Variants in TRIM66 observed in about 807,000 individuals in gnomAD.
TRIM66 encodes tripartite motif containing 66.
Under a neutral mutation model 148.2 loss-of-function variants are expected in TRIM66, and 99 were observed. The ratio of observed to expected loss-of-function variants is 0.67; its 90% CI spans 0.57 to 0.79. TRIM66 has a LOEUF of 0.79. Among genes scored for constraint, TRIM66 ranks in the 30% least tolerant of loss-of-function variants. TRIM66 has a pLI of 0.00. For synonymous variants in TRIM66, 616 were observed against 635.9 expected, an observed-to-expected ratio of 0.97 and a Z score of 0.47; for missense variants, 1,666 against 1,697.9, an observed-to-expected ratio of 0.98 and a Z score of 0.33.
intron 6 of TRIM66, among the ~76,000 whole-genome samples, chr11:8,653,128 C>T (rs1281413244): frequency 2.0e-5 from 3 of 152,160 alleles, no homozygotes; most frequent in Non-Finnish European, 4.4e-5. Context: ...TCTCTGGTGA[C>T]GAAAGTTAGT....
At chr11:8,682,913 G>C (rs567225812), upstream of TRIM66, 54 of 1,457,334 alleles carry the variant, frequency 3.7e-5, no homozygotes, top group South Asian at 6.7e-4. Context: ...CCATGGTCGG[G>C]GCTTCCAGGC....
At chr11:8,627,955 A>T (rs189379252) in intron 15 of TRIM66, among the ~76,000 whole-genome samples, 89 of 152,268 alleles carry the variant, frequency 5.8e-4, no homozygotes, top group African/African-American at 2.1e-3. Context: ...CAGCCGCCAG[A>T]GTAGCTGGGA....
At chr11:8,636,185 T>G (rs1204865138) in intron 15 of TRIM66, among the ~76,000 whole-genome samples, 2 of 151,642 alleles carry the variant, frequency 1.3e-5, no homozygotes, top group African/African-American at 4.8e-5. Context: ...GCAACTCAGC[T>G]CAAATGGACA....
intron 15 of TRIM66, among the ~76,000 whole-genome samples, 168 bp downstream of exon 15, chr11:8,638,486 A>G (rs557477619): frequency 6.6e-6 from 1 of 152,260 alleles, no homozygotes; most frequent in East Asian, 1.9e-4. Flanking sequence ...GAGGAGGAAG[A>G]TCTAGGTTGC....
In TRIM66 at chr11:8,624,795, G is replaced by T; in HGVS notation, c.2744C>A (p.Ser915Tyr). Residue 915 changes from serine to tyrosine, a missense_variant, in exon 16 of 25, where the codon TCC becomes TAC. Physicochemically the swap from Ser to Tyr is moderately radical, Grantham distance 144 (BLOSUM62 -2). Coordinates refer to ENST00000646038, the MANE Select transcript of TRIM66 (RefSeq NM_001388022.1). ...TGAAGTTCGGCCAGAACTGGAGCTG[G>T]ACCCAGTTTCTGGCTGCATGTCAGA... The part of the protein sequence containing the change: ...PVSDMQPETG[S>Y]SSSSGRTSGS... 6.4e-7 allele frequency: 1 copy of T among 1,551,516 alleles called. No homozygotes were observed. The highest frequency in any genetic ancestry group is 1.2e-5 in the South Asian group (1 of 84,004).
chr11:8,632,213 CAGG>C (rs1484057223), intron 15 of TRIM66, among the ~76,000 whole-genome samples: 1 of 151,750 alleles, frequency 6.6e-6, no homozygotes, highest in African/African-American at 2.4e-5. Context: ...GAGGCTGAGG[CAGG>C]AGAATTGCTT....
At chr11:8,621,549 C>T in intron 19 of TRIM66, 96 bp downstream of exon 19, 9 of 1,425,388 alleles carry the variant, frequency 6.3e-6, no homozygotes, top group Non-Finnish European at 8.3e-6. Flanking sequence ...ATCAGAGACT[C>T]AGGAAAGGTC....
chr11:8,616,480 T>C lies in TRIM66; in HGVS notation c.*1464A>G, dbSNP rs1276769602. ...CAGTCCTGGCCACTGACATGTCAGGTTCATAGCTCCCCCAACAATATGAGC... is the reference window on the plus strand; with the variant it reads ...CAGTCCTGGCCACTGACATGTCAGGCTCATAGCTCCCCCAACAATATGAGC... On this transcript the variant is annotated 3_prime_UTR_variant, in exon 25 of 25. Transcript: ENST00000646038. The C allele has an allele frequency of 1.3e-5, 2 of 152,128 alleles. No individual in the cohort carries two copies. The highest frequency in any genetic ancestry group is 3.9e-4 in the East Asian group (2 of 5,186). The allele number at this position is 152,128 out of a possible 1,614,324, so 9.4% of individuals were successfully genotyped here.
At position 8,622,821 on chromosome 11, in the gene TRIM66, G is replaced by A. The variant is rs1419952226; in HGVS notation, c.3075C>T (p.Ser1025=). The A allele has an allele frequency of 6.4e-7, 1 of 1,551,790 alleles. No homozygotes were observed. The highest frequency in any genetic ancestry group is 8.7e-7 in the Non-Finnish European group (1 of 1,147,016). ...ALELDAKENQ[S]IRAFNSEHKI... ...ATTAGCCAGAAGGCTGTTACCTGAT[G>A]CTCTGGTTCTCTTTTGCATCCAGCT... Residue 1025 remains serine (S), a synonymous_variant, in exon 18 of 25, where the codon AGC becomes AGT. Coordinates refer to ENST00000646038, the MANE Select transcript of TRIM66 (RefSeq NM_001388022.1).
At chr11:8,671,720 T>C (rs2038942347) in intron 6 of TRIM66, 66 bp downstream of exon 6, 1 of 747,006 alleles carries the variant, frequency 1.3e-6, no homozygotes, top group Non-Finnish European at 2.3e-6. Flanking sequence ...CAAAATTCAG[T>C]TCCTATGAAA....
chr11:8,626,623 C>T (rs1042914110), intron 15 of TRIM66, among the ~76,000 whole-genome samples: 3 of 152,228 alleles, frequency 2.0e-5, no homozygotes, highest in Non-Finnish European at 2.9e-5. Context: ...CTAGCCTAAC[C>T]TACTTTCACA....
chr11:8,665,093 C>G (rs191028812), intron 6 of TRIM66, among the ~76,000 whole-genome samples: 2 of 152,118 alleles, frequency 1.3e-5, no homozygotes, highest in Admixed American at 1.3e-4. Context: ...TGCCATCCCT[C>G]TACCGGCTCC....
intron 6 of TRIM66, among the ~76,000 whole-genome samples, chr11:8,659,341 G>C (rs1182471697): frequency 6.6e-6 from 1 of 152,118 alleles, no homozygotes; most frequent in Non-Finnish European, 1.5e-5. Context: ...GGGTAGTTGA[G>C]CATTAATGGG....
intron 15 of TRIM66, among the ~76,000 whole-genome samples, chr11:8,637,595 G>A (rs569912137): frequency 6.6e-6 from 1 of 152,316 alleles, no homozygotes; most frequent in African/African-American, 2.4e-5. Context: ...GTGTCACGGA[G>A]ACTGACTGTT....
chr11:8,625,284 G>A, intron 15 of TRIM66, 56 bp from the exon 16 acceptor site: 1 of 1,446,088 alleles, frequency 6.9e-7, no homozygotes, highest in Non-Finnish European at 9.1e-7. Flanking sequence ...ATGGAGGGAG[G>A]GAGAGGAGGG....
At chr11:8,670,151 T>C (rs929871467) in intron 6 of TRIM66, among the ~76,000 whole-genome samples, 1 of 152,070 alleles carries the variant, frequency 6.6e-6, no homozygotes, top group Non-Finnish European at 1.5e-5. Flanking sequence ...TAGCTGGGAC[T>C]ATAGGCACGC....
chr11:8,625,764 C>T (rs2034784054), intron 15 of TRIM66, among the ~76,000 whole-genome samples: 1 of 152,160 alleles, frequency 6.6e-6, no homozygotes, highest in African/African-American at 2.4e-5. Flanking sequence ...CTCTTATCTG[C>T]CTCAGACCTT....
intron 1 of TRIM66, among the ~76,000 whole-genome samples, chr11:8,681,990 C>T (rs2039454648): frequency 6.6e-6 from 1 of 152,088 alleles, no homozygotes. Flanking sequence ...TTGAACTACT[C>T]GCCTCAAGAA....
At chr11:8,648,217 C>G (rs1305300484) in intron 9 of TRIM66, 131 bp from the exon 10 acceptor site, 1 of 1,158,574 alleles carries the variant, frequency 8.6e-7, no homozygotes, top group Admixed American at 2.2e-5. Context: ...TAGGGAAAGT[C>G]TAAGGCACCA....
Sources: gnomAD v4.1 joint callset for allele counts (sites outside exome capture counted in the v4.1 genomes callset) on GRCh38, gnomAD v4.1.1 for gene constraint, MANE v1.5 for transcripts, NCBI Gene and HGNC (gene_info 2026-07-23, HGNC 2026-07-21) for gene names.